PCDH15: variants seen among roughly 807,000 people sequenced by gnomAD.
The protein encoded by PCDH15 is protocadherin-15.
In PCDH15, 129 loss-of-function variants were observed where a neutral mutation model predicts 178.5. That is an observed-to-expected ratio of 0.72 (90% CI 0.63 to 0.84). The LOEUF is 0.84. Ranked by LOEUF, PCDH15 falls within the 40% of genes least tolerant of loss-of-function variation. The pLI is 0.00. For synonymous variants in PCDH15, 800 were observed against 732.0 expected (o/e 1.09, Z -1.50); for missense variants, 2,230 against 2,099.9 (o/e 1.06, Z -1.21).
chr10:54,692,597 A>G (rs1316495746), intron 1 of PCDH15, among the ~76,000 whole-genome samples: 1 of 151,076 alleles, frequency 6.6e-6, no homozygotes, highest in African/African-American at 2.4e-5. Flanking sequence ...AATCGGTTAG[A>G]GCTGTGATTC....
intron 3 of PCDH15, among the ~76,000 whole-genome samples, chr10:54,386,007 C>A (rs1157724127): frequency 1.3e-5 from 2 of 151,438 alleles, no homozygotes; most frequent in Non-Finnish European, 2.9e-5. Context: ...CTCTTAATGT[C>A]TTTTTTAGCT....
intron 2 of PCDH15, among the ~76,000 whole-genome samples, chr10:54,659,644 C>T (rs2094459670): frequency 6.6e-6 from 1 of 151,772 alleles, no homozygotes; most frequent in Non-Finnish European, 1.5e-5. Flanking sequence ...ATCCCAGCTA[C>T]TCAGGAAACT....
At chr10:54,378,663 G>T in intron 4 of PCDH15, 119 bp downstream of exon 4, 2 of 1,124,658 alleles carry the variant, frequency 1.8e-6, no homozygotes, top group Non-Finnish European at 2.6e-6. Flanking sequence ...AACTGTTGTT[G>T]CTATACTCAG....
intron 2 of PCDH15, among the ~76,000 whole-genome samples, chr10:54,640,754 A>G (rs74582020): frequency 6.6e-6 from 1 of 152,084 alleles, no homozygotes. Flanking sequence ...GAAAAAAAAA[A>G]TGCCAGTTGT....
At chr10:54,422,142 T>A (rs532935639) in intron 3 of PCDH15, among the ~76,000 whole-genome samples, 1 of 151,894 alleles carries the variant, frequency 6.6e-6, no homozygotes, top group South Asian at 2.1e-4. Flanking sequence ...GGTCATTTTC[T>A]TAGAGTTGCA....
intron 2 of PCDH15, among the ~76,000 whole-genome samples, chr10:55,615,692 A>T (rs1843458818): frequency 1.3e-5 from 2 of 152,114 alleles, no homozygotes. Flanking sequence ...ACATAGTGGG[A>T]TTCTGCTTCT....
intron 2 of PCDH15, among the ~76,000 whole-genome samples, chr10:55,104,273 T>C (rs1262855249): frequency 6.6e-6 from 1 of 152,142 alleles, no homozygotes; most frequent in Non-Finnish European, 1.5e-5. Flanking sequence ...CTCAGTGATT[T>C]TCTTAATGAT....
At chr10:54,517,919 A>G (rs7081135) in intron 3 of PCDH15, among the ~76,000 whole-genome samples, 99,738 of 151,954 alleles carry the variant, frequency 0.66, 33,130 homozygotes, top group East Asian at 0.97. Context: ...ACTCAAAACC[A>G]CTCGACTACA....
At chr10:54,172,406 G>A (rs1214408649) in intron 13 of PCDH15, among the ~76,000 whole-genome samples, 1 of 151,762 alleles carries the variant, frequency 6.6e-6, no homozygotes, top group Non-Finnish European at 1.5e-5. Context: ...TCCCTTAGCT[G>A]ACTCTCTTTT....
chr10:54,175,045 T>A (rs1393899882), intron 13 of PCDH15, among the ~76,000 whole-genome samples: 1 of 152,180 alleles, frequency 6.6e-6, no homozygotes, highest in Non-Finnish European at 1.5e-5. Flanking sequence ...AAAAATAAAT[T>A]AAAATTGTGT....
rs1179997827 is a variant in PCDH15 at position 54,153,959 on chromosome 10, T to C, written c.1591-666A>G. Among the ~76,000 whole-genome samples, 4 of 152,278 alleles carry C rather than the reference T, an allele frequency of 2.6e-5. No homozygotes were observed. In the South Asian group the frequency reaches 6.2e-4, roughly 24 times the overall value. ...GTAACATAGCCCAAGAAATGTTTCT[T>C]TGGGGAAAGAAAATCTATTCGGAGC... is the stretch of plus-strand genomic sequence containing the variant. On this transcript the variant is annotated intron_variant, in intron 13 of 37. Transcript: ENST00000644397.
intron 2 of PCDH15, among the ~76,000 whole-genome samples, chr10:54,997,538 C>G (rs796547714): frequency 6.6e-6 from 1 of 152,000 alleles, no homozygotes; most frequent in Non-Finnish European, 1.5e-5. Flanking sequence ...TATCAGAGTT[C>G]GGCACAGAAG....
intron 3 of PCDH15, among the ~76,000 whole-genome samples, chr10:54,873,295 C>T (rs1250504919): frequency 1.3e-5 from 2 of 151,794 alleles, no homozygotes; most frequent in African/African-American, 2.4e-5. Context: ...GAAAACCAAT[C>T]GATGAAGTCT....
At chr10:54,832,290 T>C (rs977142144) in intron 3 of PCDH15, among the ~76,000 whole-genome samples, 2 of 152,172 alleles carry the variant, frequency 1.3e-5, no homozygotes, top group African/African-American at 4.8e-5. Flanking sequence ...TGGTCAGACC[T>C]GATTTAACTC....
intron 2 of PCDH15, among the ~76,000 whole-genome samples, chr10:55,334,162 T>C (rs974306246): frequency 3.4e-5 from 5 of 147,580 alleles, no homozygotes; most frequent in African/African-American, 1.3e-4. Flanking sequence ...TATTTGATTT[T>C]GTGAAATGCA....
intron 2 of PCDH15, among the ~76,000 whole-genome samples, chr10:54,577,194 T>C (rs1163328999): frequency 6.6e-6 from 1 of 151,764 alleles, no homozygotes; most frequent in Non-Finnish European, 1.5e-5. Flanking sequence ...GTGATTCTCC[T>C]GCCTCAGCCC....
At chr10:54,535,007 A>C (rs2084323089) in intron 2 of PCDH15, among the ~76,000 whole-genome samples, 1 of 152,218 alleles carries the variant, frequency 6.6e-6, no homozygotes, top group Admixed American at 6.5e-5. Flanking sequence ...ACAAAAGCAA[A>C]ATAAACTGAG....
At chr10:54,617,746 C>A (rs116500357) in intron 2 of PCDH15, among the ~76,000 whole-genome samples, 3 of 107,930 alleles carry the variant, frequency 2.8e-5, no homozygotes, top group African/African-American at 6.9e-5. Flanking sequence ...AACCCCAACT[C>A]TAAAAATACA....
intron 1 of PCDH15, among the ~76,000 whole-genome samples, chr10:54,766,801 C>T (rs1689222930): frequency 2.0e-5 from 3 of 151,976 alleles, no homozygotes; most frequent in Non-Finnish European, 2.9e-5. Context: ...CGGTGGCAGG[C>T]GCCTGTAAGT....
Sources: allele counts gnomAD v4.1 joint callset (sites outside exome capture counted in the v4.1 genomes callset), GRCh38; gene constraint gnomAD v4.1.1; transcripts MANE v1.5; gene names NCBI Gene and HGNC (gene_info 2026-07-23, HGNC 2026-07-21).